Variants in RPRD1A observed in about 807,000 individuals in gnomAD.
The protein encoded by RPRD1A is regulation of nuclear pre-mRNA domain-containing protein 1A.
A neutral mutation model predicts 37.8 loss-of-function variants in RPRD1A; 9 were observed. The ratio of observed to expected loss-of-function variants is 0.24; its 90% CI spans 0.14 to 0.42. The LOEUF is 0.42. Among genes scored for constraint, RPRD1A ranks in the 10% least tolerant of loss-of-function variants. The pLI is 1.00. For synonymous variants in RPRD1A, 138 were observed against 139.7 expected (o/e 0.99, Z 0.08); for missense variants, 255 against 371.0 (o/e 0.69, Z 2.57).
At chr18:36,050,818 T>TCC (rs1913330532) in intron 1 of RPRD1A, among the ~76,000 whole-genome samples, 3 of 152,010 alleles carry the variant, frequency 2.0e-5, no homozygotes, top group Non-Finnish European at 4.4e-5. Flanking sequence ...GTGTTGGGAT[T>TCC]ACAGGTGTGA....
At chr18:36,038,996 C>T (rs1912391595) in intron 1 of RPRD1A, among the ~76,000 whole-genome samples, 1 of 152,128 alleles carries the variant, frequency 6.6e-6, no homozygotes. Context: ...GAGGGACTTG[C>T]CTTATCTCAG....
At chr18:36,018,934 C>G (rs2144237869) in intron 6 of RPRD1A, among the ~76,000 whole-genome samples, 1 of 152,120 alleles carries the variant, frequency 6.6e-6, no homozygotes, top group East Asian at 1.9e-4. Flanking sequence ...GAGCAGGAGG[C>G]AAGAGCATTC....
Position 36,067,524 on chromosome 18 carries a change from C to T in RPRD1A, c.-120G>A, listed in dbSNP as rs2089057743. On this transcript the variant is annotated 5_prime_UTR_variant, in exon 1 of 7. Transcript: ENST00000399022. ...CTTCCCCACGCTCTCACCACGGCCG[C>T]CGCTTCATCCAAGACCGGCCGCAAA... is the stretch of plus-strand genomic sequence containing the variant. 1.8e-6 allele frequency: 2 copies of T among 1,082,734 alleles called. No individual in the cohort carries two copies. Among genetic ancestry groups the T allele is most frequent in the Non-Finnish European group, 1.3e-6 (1 of 769,714 alleles). The allele number at this position is 1,082,734 out of a possible 1,614,324, so 67.1% of individuals were successfully genotyped here.
At chr18:36,030,482 CA>C (rs1018513945) in intron 4 of RPRD1A, among the ~76,000 whole-genome samples, 54 of 137,414 alleles carry the variant, frequency 3.9e-4, no homozygotes, top group East Asian at 8.4e-4. Flanking sequence ...AACTCCGTCT[CA>C]AAAAAAAAAA....
chr18:35,999,643 A>C (rs1786235), intron 6 of RPRD1A, among the ~76,000 whole-genome samples: 4 of 136,612 alleles, frequency 2.9e-5, no homozygotes, highest in South Asian at 4.4e-4. Context: ...TAATTGTGAC[A>C]AAAAAAAAAG....
In RPRD1A at chr18:36,062,927, T is replaced by C. The variant is rs550700077; in HGVS notation, c.151+4327A>G. 17 of 152,260 alleles carry C rather than the reference T, an allele frequency of 1.1e-4. No individual in the cohort carries two copies. In the East Asian group the frequency reaches 1.2e-3, roughly 10 times the overall value. 9.4% of individuals were successfully genotyped at this position (152,260 alleles called of 1,614,324 possible). On this transcript the variant is annotated intron_variant, in intron 1 of 6. Coordinates refer to ENST00000399022, the MANE Select transcript of RPRD1A (RefSeq NM_018170.5). ...TAGTATACTTTGAATGGATAAAAGGTGTGGTATGTGAATTACATCTTAATA... is the reference window on the plus strand; with the variant it reads ...TAGTATACTTTGAATGGATAAAAGGCGTGGTATGTGAATTACATCTTAATA...
At chr18:36,020,854 AAATT>A (rs1056694391) in intron 6 of RPRD1A, among the ~76,000 whole-genome samples, 35 of 152,184 alleles carry the variant, frequency 2.3e-4, no homozygotes, top group Non-Finnish European at 4.4e-4. Flanking sequence ...GCAGTTAAAT[AAATT>A]ATCATACATC....
chr18:35,997,162 G>C (rs1185041340), intron 6 of RPRD1A, among the ~76,000 whole-genome samples: 1 of 151,946 alleles, frequency 6.6e-6, no homozygotes, highest in Non-Finnish European at 1.5e-5. Context: ...AGAATATTTT[G>C]TTCAAGTTTT....
chr18:36,005,356 G>C (rs879878121), intron 6 of RPRD1A, among the ~76,000 whole-genome samples: 2 of 151,456 alleles, frequency 1.3e-5, no homozygotes, highest in African/African-American at 2.4e-5. Flanking sequence ...AACAAAAAAA[G>C]AAAACATAAT....
chr18:36,063,997 C>T (rs545154584), intron 1 of RPRD1A: 1 of 152,378 alleles, frequency 6.6e-6, no homozygotes, highest in African/African-American at 2.4e-5. Context: ...ACAAACCTTG[C>T]TAAAAGCACA....
Position 36,023,511 on chromosome 18 carries a change from T to A in RPRD1A, c.789+3389A>T, listed in dbSNP as rs551891690. ...GAATCTACTCCCAGTGGAGATGAAA[T>A]GACAACAAAGGATTTACTTGATAAA... On this transcript the variant is annotated intron_variant, in intron 6 of 6. Coordinates refer to ENST00000399022, the MANE Select transcript of RPRD1A (RefSeq NM_018170.5). 1.8e-4 allele frequency among the ~76,000 whole-genome samples: 27 copies of A among 152,292 alleles called. No individual in the cohort carries two copies. In the South Asian group the frequency reaches 5.4e-3, roughly 30 times the overall value.
intron 6 of RPRD1A, chr18:36,025,883 T>C (rs939457975): frequency 2.0e-5 from 6 of 307,488 alleles, no homozygotes; most frequent in African/African-American, 6.6e-5. Flanking sequence ...TTCCTTTCCA[T>C]GTAGAAGTGG....
At position 36,015,181 on chromosome 18, in the gene RPRD1A, C is replaced by T. The variant is rs1456523077; in HGVS notation, c.789+11719G>A. Among the ~76,000 whole-genome samples, 1,418 of 143,564 alleles carry T rather than the reference C, an allele frequency of 9.9e-3. 37 individuals are homozygous for T. Among genetic ancestry groups the T allele is most frequent in the African/African-American group, 0.036 (1,329 of 36,950 alleles). The allele number at this position is 143,564 out of a possible 152,430, so 94.2% of individuals were successfully genotyped here. On this transcript the variant is annotated intron_variant, in intron 6 of 6. Coordinates refer to ENST00000399022, the MANE Select transcript of RPRD1A (RefSeq NM_018170.5). Reference sequence around the variant, plus strand: ...ACATATATACACATATATACACACACACACACACACACACACACACACATT... The same window carrying T: ...ACATATATACACATATATACACACATACACACACACACACACACACACATT...
Position 35,990,852 on chromosome 18 carries a change from C to A in RPRD1A, c.*2299G>T, listed in dbSNP as rs1022164632. On this transcript the variant is annotated 3_prime_UTR_variant, in exon 7 of 7. Transcript: ENST00000399022. ...GCTTACCATGTTAATTATCACACGG[C>A]TGAAAAGATGACTTCTAAATCAGAC... The A allele has an allele frequency of 1.3e-5, 2 of 152,138 alleles. No homozygotes were observed. The highest frequency in any genetic ancestry group is 4.8e-5 in the African/African-American group (2 of 41,440). The allele number at this position is 152,138 out of a possible 1,614,324, so 9.4% of individuals were successfully genotyped here. A position where few individuals can be genotyped will look rare whatever the true frequency, so the allele number is the denominator to read the frequency against.
intron 1 of RPRD1A, among the ~76,000 whole-genome samples, chr18:36,066,959 A>G (rs184401953): frequency 1.1e-4 from 16 of 152,306 alleles, no homozygotes; most frequent in African/African-American, 3.6e-4. Context: ...TGAAAAAAAT[A>G]CCTGACCACC....
intron 6 of RPRD1A, among the ~76,000 whole-genome samples, chr18:35,995,264 T>G (rs1240829958): frequency 4.1e-5 from 6 of 146,068 alleles, no homozygotes; most frequent in South Asian, 2.1e-4. Flanking sequence ...TTTTTTCGTT[T>G]TTTTTTTTTT....
intron 6 of RPRD1A, among the ~76,000 whole-genome samples, chr18:36,010,478 C>T (rs1327298401): frequency 6.6e-6 from 1 of 151,924 alleles, no homozygotes; most frequent in Non-Finnish European, 1.5e-5. Context: ...GGGCAACAAA[C>T]AGAATGAGAC....
intron 1 of RPRD1A, among the ~76,000 whole-genome samples, chr18:36,053,741 T>TA (rs1913563900): frequency 6.6e-6 from 1 of 152,142 alleles, no homozygotes; most frequent in Non-Finnish European, 1.5e-5. Context: ...GGAGGACAGC[T>TA]AGTAGGTAAA....
intron 1 of RPRD1A, among the ~76,000 whole-genome samples, chr18:36,035,946 T>C (rs1448056915): frequency 1.3e-5 from 2 of 151,930 alleles, no homozygotes; most frequent in African/African-American, 4.8e-5. Context: ...GGGAGGAGAA[T>C]AGGAAATTAT....
Sources: gnomAD v4.1 joint callset for allele counts (sites outside exome capture counted in the v4.1 genomes callset) on GRCh38, gnomAD v4.1.1 for gene constraint, MANE v1.5 for transcripts, NCBI Gene and HGNC (gene_info 2026-07-23, HGNC 2026-07-21) for gene names.